The following SYT1 variants were observed in gnomAD, a reference collection of about 807,000 sequenced individuals.
The protein encoded by SYT1 is synaptotagmin 1.
A neutral mutation model predicts 44.8 loss-of-function variants in SYT1; 8 were observed. The observed-to-expected ratio is 0.18, with a 90% CI of 0.10 to 0.32. The LOEUF (loss-of-function observed/expected upper bound fraction) is 0.32. Among genes scored for constraint, SYT1 ranks in the 10% least tolerant of loss-of-function variants. The pLI is 1.00. For missense variants in SYT1, 286 were observed against 509.3 expected, an observed-to-expected ratio of 0.56 and a Z score of 4.22; for synonymous variants, 154 against 188.8, an observed-to-expected ratio of 0.82 and a Z score of 1.51.
At chr12:78,989,849 C>T (rs1247088183) in intron 2 of SYT1, among the ~76,000 whole-genome samples, 2 of 152,084 alleles carry the variant, frequency 1.3e-5, no homozygotes, top group Non-Finnish European at 2.9e-5. Flanking sequence ...CATTCTCTTA[C>T]AGATTTTATT....
intron 3 of SYT1, among the ~76,000 whole-genome samples, chr12:79,094,512 A>T (rs1416672288): frequency 6.6e-6 from 1 of 151,898 alleles, no homozygotes; most frequent in Non-Finnish European, 1.5e-5. Context: ...AAACATACAG[A>T]TAGGACACAA....
chr12:79,022,867 C>T (rs942580066), intron 2 of SYT1, among the ~76,000 whole-genome samples: 4 of 151,800 alleles, frequency 2.6e-5, no homozygotes, highest in African/African-American at 9.7e-5. Context: ...TACAGCAAAA[C>T]AACCCAGGAT....
chr12:79,170,636 C>G (rs1871458302), intron 3 of SYT1, among the ~76,000 whole-genome samples: 1 of 151,990 alleles, frequency 6.6e-6, no homozygotes, highest in South Asian at 2.1e-4. Context: ...AAACTTCCTC[C>G]CATTCTGTAG....
chr12:79,347,046 T>C (rs1276743987), intron 8 of SYT1, among the ~76,000 whole-genome samples: 1 of 148,478 alleles, frequency 6.7e-6, no homozygotes, highest in Non-Finnish European at 1.5e-5. Flanking sequence ...TTTTTCTTTT[T>C]TTTTTTTTTT....
At chr12:78,878,696 G>A (rs1874300496) in intron 1 of SYT1, among the ~76,000 whole-genome samples, 1 of 151,742 alleles carries the variant, frequency 6.6e-6, no homozygotes. Context: ...TGTGAGCTGT[G>A]AAATAGCATT....
chr12:79,182,242 T>C (rs899812592), intron 3 of SYT1, among the ~76,000 whole-genome samples: 1 of 152,096 alleles, frequency 6.6e-6, no homozygotes, highest in African/African-American at 2.4e-5. Flanking sequence ...CTTTTACTGG[T>C]CTTCATCCTC....
intron 3 of SYT1, among the ~76,000 whole-genome samples, chr12:79,148,824 CA>C (rs1348925398): frequency 2.0e-5 from 3 of 152,042 alleles, no homozygotes; most frequent in African/African-American, 7.2e-5. Context: ...GATTGTAAAC[CA>C]TTAATATTCG....
intron 2 of SYT1, among the ~76,000 whole-genome samples, chr12:79,038,234 C>CAT (rs140370945): frequency 3.4e-4 from 51 of 149,016 alleles, no homozygotes; most frequent in Middle Eastern, 3.5e-3. Context: ...TACACACATA[C>CAT]ATATATATAT....
At chr12:79,405,045 G>C (rs1006860811) in intron 9 of SYT1, among the ~76,000 whole-genome samples, 2 of 152,194 alleles carry the variant, frequency 1.3e-5, no homozygotes, top group African/African-American at 4.8e-5. Flanking sequence ...CATTGATTGG[G>C]AAGTTGATGT....
chr12:79,221,090 A>G (rs1458823364), intron 4 of SYT1, among the ~76,000 whole-genome samples: 1 of 152,096 alleles, frequency 6.6e-6, no homozygotes, highest in Non-Finnish European at 1.5e-5. Flanking sequence ...TGCTTTACAT[A>G]TTTAGGTGCT....
chr12:79,291,203 A>G (rs890039840), intron 5 of SYT1, among the ~76,000 whole-genome samples: 2 of 152,226 alleles, frequency 1.3e-5, no homozygotes, highest in Admixed American at 6.5e-5. Flanking sequence ...AGAGTATTCA[A>G]TTGGTCAGAC....
At chr12:79,125,202 G>A (rs554975351) in intron 3 of SYT1, among the ~76,000 whole-genome samples, 8 of 152,182 alleles carry the variant, frequency 5.3e-5, no homozygotes, top group Admixed American at 1.3e-4. Flanking sequence ...TCAAAAGAAT[G>A]GGTAGAATCC....
In SYT1 at chr12:79,403,221, G is replaced by T. The variant is rs549680837; in HGVS notation, c.929-40852G>T. 3.3e-5 allele frequency among the ~76,000 whole-genome samples: 5 copies of T among 152,262 alleles called. No homozygotes were observed. The South Asian group carries it at 1.0e-3, about 32-fold the overall frequency. On this transcript the variant is annotated intron_variant, in intron 9 of 10. Transcript: ENST00000261205. ...GGGAATAAGACCTTCTATTATACAG[G>T]ATTCCCCAGAGAAACAGAACCAATA...
chr12:78,868,695 A>G (rs1392828170), intron 1 of SYT1: 2 of 151,888 alleles, frequency 1.3e-5, no homozygotes, highest in South Asian at 2.1e-4. Context: ...GGGGCTATTC[A>G]TGTACAAAGT....
Position 79,349,039 on chromosome 12 carries a change from A to AAG in SYT1, c.811-4461_811-4460dup, listed in dbSNP as rs1555219962. 2.7e-3 allele frequency among the ~76,000 whole-genome samples: 382 copies of AAG among 140,074 alleles called. 2 individuals are homozygous for AAG. The highest frequency in any genetic ancestry group is 7.8e-3 in the East Asian group (37 of 4,736). The allele number at this position is 140,074 out of a possible 152,430, so 91.9% of individuals were successfully genotyped here. ...AGAAAGAAAGAAAGAAAGAAAAAGA[A>AAG]AGAAAGAAAGAAAGAAAGGAGGGAG... On this transcript the variant is annotated intron_variant, in intron 8 of 10. Coordinates refer to ENST00000261205, the MANE Select transcript of SYT1 (RefSeq NM_005639.3).
At chr12:79,160,338 A>G (rs1040485242) in intron 3 of SYT1, among the ~76,000 whole-genome samples, 2 of 152,258 alleles carry the variant, frequency 1.3e-5, no homozygotes, top group Non-Finnish European at 2.9e-5. Context: ...CTCAGAAAAG[A>G]AGATAGAACT....
chr12:78,967,454 A>C (rs1868274498), intron 1 of SYT1, among the ~76,000 whole-genome samples: 1 of 152,182 alleles, frequency 6.6e-6, no homozygotes. Flanking sequence ...GACTGATAGA[A>C]TAGAAGGAAA....
chr12:79,417,304 T>A (rs1475635299), intron 9 of SYT1, among the ~76,000 whole-genome samples: 1 of 152,148 alleles, frequency 6.6e-6, no homozygotes, highest in Admixed American at 6.6e-5. Flanking sequence ...TTGCATACAA[T>A]GTATTTCTAA....
intron 3 of SYT1, among the ~76,000 whole-genome samples, chr12:79,164,764 T>C (rs1398050880): frequency 2.0e-5 from 3 of 152,060 alleles, no homozygotes; most frequent in Non-Finnish European, 4.4e-5. Context: ...TATTTTTTAA[T>C]GAATCAAGAA....
Sources: gnomAD v4.1 joint callset for allele counts (sites outside exome capture counted in the v4.1 genomes callset) on GRCh38, gnomAD v4.1.1 for gene constraint, MANE v1.5 for transcripts, NCBI Gene and HGNC (gene_info 2026-07-23, HGNC 2026-07-21) for gene names.